NCAPH: variants seen among roughly 807,000 people sequenced by gnomAD.
NCAPH encodes condensin complex subunit 2.
In NCAPH, 38 loss-of-function variants were observed where a neutral mutation model predicts 85.5. The ratio of observed to expected loss-of-function variants is 0.44; its 90% CI spans 0.34 to 0.58. The LOEUF (loss-of-function observed/expected upper bound fraction) is 0.58. Among genes scored for constraint, NCAPH ranks in the 20% least tolerant of loss-of-function variants. NCAPH has a pLI of 0.01. For missense variants in NCAPH, 789 were observed against 916.6 expected (o/e 0.86, Z 1.80); for synonymous variants, 301 against 335.1 (o/e 0.90, Z 1.11).
rs1558808342 is a variant in NCAPH, at chr2:96,376,630, C to A, written c.*3279C>A. Among the ~76,000 whole-genome samples, 1 of 152,164 alleles carries A rather than the reference C, an allele frequency of 6.6e-6. No homozygotes were observed. The highest frequency in any genetic ancestry group is 6.5e-5 in the Admixed American group (1 of 15,278). On this transcript the variant is annotated 3_prime_UTR_variant, in exon 18 of 18. Coordinates refer to ENST00000240423, the MANE Select transcript of NCAPH (RefSeq NM_015341.5). ...CCCTTCTTAGCACAGGATACTGGGTCATTTCAACACCACAAGGATTTGCAG... is the reference window on the plus strand; with the variant it reads ...CCCTTCTTAGCACAGGATACTGGGTAATTTCAACACCACAAGGATTTGCAG...
chr2:96,358,770 A>G (rs1018475304), intron 9 of NCAPH, among the ~76,000 whole-genome samples: 8 of 152,118 alleles, frequency 5.3e-5, no homozygotes, highest in Non-Finnish European at 7.4e-5. Flanking sequence ...GCCCAGCCAA[A>G]AGAATTCTCT....
chr2:96,358,949 C>A, intron 9 of NCAPH, 96 bp from the exon 10 acceptor site: 2 of 1,222,058 alleles, frequency 1.6e-6, no homozygotes, highest in Non-Finnish European at 2.3e-6. Context: ...TTGTATTGGA[C>A]TCACAGAAAT....
chr2:96,345,772 AAT>A (rs1357367913), intron 6 of NCAPH, among the ~76,000 whole-genome samples: 2 of 152,202 alleles, frequency 1.3e-5, no homozygotes, highest in African/African-American at 4.8e-5. Context: ...AATGAAAACA[AAT>A]ATGCAAAATG....
rs144573346 is a variant in NCAPH at position 96,366,958 on chromosome 2, A to G, written c.1882-299A>G. 4.6e-3 allele frequency among the ~76,000 whole-genome samples: 695 copies of G among 151,338 alleles called. 5 individuals are homozygous for G. Among genetic ancestry groups the G allele is most frequent in the African/African-American group, 0.016 (660 of 41,186 alleles). On this transcript the variant is annotated intron_variant, in intron 14 of 17. Transcript: ENST00000240423. ...TACCATCTCTACTAAAAATACAAAA[A>G]TTAGCCAGGTGCCTGTAATCCCAGC...
In NCAPH at chr2:96,342,071, T is replaced by C. The variant is rs2064303382; in HGVS notation, c.294T>C (p.Thr98=). The change falls in exon 3 of 18, where the codon ACT becomes ACC. Residue 98 remains threonine (T), a synonymous_variant. Coordinates refer to ENST00000240423, the MANE Select transcript of NCAPH (RefSeq NM_015341.5). ...TTAGGAGTATTGACATTTCAGCTACTATCCCCAAGTTTACAAACACGCAGA... is the reference window on the plus strand; with the variant it reads ...TTAGGAGTATTGACATTTCAGCTACCATCCCCAAGTTTACAAACACGCAGA... ...PSSRSIDISA[T]IPKFTNTQIT... 6.2e-7 allele frequency: 1 copy of C among 1,611,222 alleles called. No individual in the cohort carries two copies. Among genetic ancestry groups the C allele is most frequent in the Non-Finnish European group, 8.5e-7 (1 of 1,177,542 alleles).
At chr2:96,368,314 A>G (rs2064726550) in intron 15 of NCAPH, among the ~76,000 whole-genome samples, 1 of 152,200 alleles carries the variant, frequency 6.6e-6, no homozygotes, top group African/African-American at 2.4e-5. Context: ...ACTTTTAAAT[A>G]TGAATTTTGT....
chr2:96,361,348 C>T (rs2104476569), intron 12 of NCAPH, among the ~76,000 whole-genome samples: 1 of 152,226 alleles, frequency 6.6e-6, no homozygotes, highest in South Asian at 2.1e-4. Context: ...CTGTGCCCAC[C>T]TGATTCCTTG....
At chr2:96,345,502 C>T (rs1196414617) in intron 6 of NCAPH, among the ~76,000 whole-genome samples, 2 of 152,238 alleles carry the variant, frequency 1.3e-5, no homozygotes, top group East Asian at 1.9e-4. Flanking sequence ...GTGACGCTCT[C>T]CTAACATGCA....
chr2:96,354,659 A>G (rs745946145), intron 9 of NCAPH, among the ~76,000 whole-genome samples: 5 of 151,960 alleles, frequency 3.3e-5, no homozygotes, highest in Middle Eastern at 3.2e-3. Flanking sequence ...TGCTGGGGTG[A>G]TTGAATTTGA....
At chr2:96,341,592 A>G (rs1484659141) in intron 1 of NCAPH, 50 bp from the exon 2 acceptor site, 1 of 1,580,670 alleles carries the variant, frequency 6.3e-7, no homozygotes, top group Middle Eastern at 1.7e-4. Context: ...ACTTCTTTGG[A>G]TATAGGAAAT....
At chr2:96,337,608 C>CGG (rs764073032) in intron 1 of NCAPH, among the ~76,000 whole-genome samples, 17 of 152,058 alleles carry the variant, frequency 1.1e-4, no homozygotes, top group Non-Finnish European at 1.8e-4. Context: ...TTAGTAGGAA[C>CGG]GGGGTTTCAC....
At chr2:96,345,195 A>C (rs1202093984) in intron 6 of NCAPH, among the ~76,000 whole-genome samples, 1 of 152,172 alleles carries the variant, frequency 6.6e-6, no homozygotes, top group East Asian at 1.9e-4. Flanking sequence ...AAAATATTTC[A>C]GGGAGTGGGG....
At chr2:96,367,113 CAAACA>C (rs915227472) in intron 14 of NCAPH, 139 bp from the exon 15 acceptor site, 1 of 549,780 alleles carries the variant, frequency 1.8e-6, no homozygotes, top group Non-Finnish European at 3.3e-6. Context: ...AACAAACAAA[CAAACA>C]AAACAAGAGA....
intron 6 of NCAPH, among the ~76,000 whole-genome samples, chr2:96,348,370 T>G (rs2064389882): frequency 6.6e-6 from 1 of 151,972 alleles, no homozygotes; most frequent in Non-Finnish European, 1.5e-5. Context: ...TTTGTATTTT[T>G]AGGAGAGACG....
rs144694271 is a variant in NCAPH at position 96,354,309 on chromosome 2, G to C, written c.1129G>C (p.Asp377His). 6.2e-7 allele frequency: 1 copy of C among 1,614,054 alleles called. No individual in the cohort carries two copies. Among genetic ancestry groups the C allele is most frequent in the Non-Finnish European group, 8.5e-7 (1 of 1,179,994 alleles). ...CCTGGGGGATGACTTTGATGCCAAC[G>C]ATGAACCTGACCACACCGCAGTTGG... is the stretch of plus-strand genomic sequence containing the variant. ...GSLGDDFDAN[D>H]EPDHTAVGDH... The change falls in exon 9 of 18, where the codon GAT becomes CAT. Residue 377 changes from aspartate to histidine, a missense_variant. Asp to His is a moderately conservative substitution (Grantham distance 81). Coordinates refer to ENST00000240423, the MANE Select transcript of NCAPH (RefSeq NM_015341.5).
chr2:96,337,450 C>T (rs986170359), intron 1 of NCAPH, among the ~76,000 whole-genome samples: 7 of 152,190 alleles, frequency 4.6e-5, no homozygotes, highest in East Asian at 3.8e-4. Context: ...GACGGAGTCT[C>T]GCTCTATCGC....
intron 9 of NCAPH, 102 bp from the exon 10 acceptor site, chr2:96,358,943 A>G: frequency 8.8e-7 from 1 of 1,142,620 alleles, no homozygotes; most frequent in Non-Finnish European, 1.2e-6. Context: ...AGTTATTTGT[A>G]TTGGACTCAC....
intron 6 of NCAPH, among the ~76,000 whole-genome samples, chr2:96,348,550 T>C (rs1204196838): frequency 6.6e-6 from 1 of 152,056 alleles, no homozygotes; most frequent in Non-Finnish European, 1.5e-5. Flanking sequence ...GTATTATTTA[T>C]TAGTCATAGG....
At chr2:96,361,818 A>ATATATG (rs1553447794) in intron 12 of NCAPH, among the ~76,000 whole-genome samples, 24 of 107,342 alleles carry the variant, frequency 2.2e-4, no homozygotes, top group Non-Finnish European at 4.2e-4. Context: ...ATATATATAT[A>ATATATG]TATATATATA....
Sources: gnomAD v4.1 joint callset for allele counts (sites outside exome capture counted in the v4.1 genomes callset) on GRCh38, gnomAD v4.1.1 for gene constraint, MANE v1.5 for transcripts, NCBI Gene and HGNC (gene_info 2026-07-23, HGNC 2026-07-21) for gene names.